RYR2: variants seen among roughly 807,000 people sequenced by gnomAD.
RYR2 encodes the protein cardiac muscle ryanodine receptor-calcium release channel.
In RYR2, 227 loss-of-function variants were observed where a neutral mutation model predicts 601.1. The observed-to-expected ratio is 0.38, with a 90% CI of 0.34 to 0.42. RYR2 has a LOEUF of 0.42. Ranked by LOEUF, RYR2 falls within the 10% of genes least tolerant of loss-of-function variation. The pLI, the probability that RYR2 is intolerant of heterozygous loss-of-function variation, is 1.00. For missense variants in RYR2, 4,646 were observed against 6,156.5 expected (o/e 0.75, Z 8.21); for synonymous variants, 2,223 against 2,175.1 (o/e 1.02, Z -0.61).
intron 65 of RYR2, among the ~76,000 whole-genome samples, chr1:237,700,976 TTC>T (rs1687919112): frequency 6.6e-6 from 1 of 152,202 alleles, no homozygotes; most frequent in South Asian, 2.1e-4. Context: ...AGCTTTAATC[TTC>T]TGTTTTGGGC....
chr1:237,681,138 T>A (rs905748484), intron 62 of RYR2, among the ~76,000 whole-genome samples: 3 of 152,204 alleles, frequency 2.0e-5, no homozygotes, highest in Non-Finnish European at 2.9e-5. Flanking sequence ...GTCCTTTTAC[T>A]CAAACTTCTG....
chr1:237,749,412 A>T (rs547798240), intron 80 of RYR2, among the ~76,000 whole-genome samples: 2 of 150,556 alleles, frequency 1.3e-5, no homozygotes, highest in East Asian at 4.0e-4. Context: ...TGACTATCAC[A>T]TAACCATCTC....
intron 17 of RYR2, among the ~76,000 whole-genome samples, chr1:237,473,427 C>CTTTCTTTCTTTCTTTCTTTCTTTCTT (rs1553464621): frequency 1.3e-4 from 13 of 102,566 alleles, no homozygotes; most frequent in South Asian, 6.1e-4. Flanking sequence ...CCATCTCTCT[C>CTTTCTTTCTTTCTTTCTTTCTTTCTT]TCTCTCTTTC....
At chr1:237,812,784 C>T (rs998949359) in intron 100 of RYR2, among the ~76,000 whole-genome samples, 1 of 152,142 alleles carries the variant, frequency 6.6e-6, no homozygotes, top group Non-Finnish European at 1.5e-5. Context: ...TCCTCCCTGA[C>T]TGCCTTTCTA....
intron 96 of RYR2, among the ~76,000 whole-genome samples, chr1:237,795,867 TATATATACAC>T (rs1319245335): frequency 1.6e-3 from 233 of 144,026 alleles, no homozygotes; most frequent in African/African-American, 5.7e-3. Flanking sequence ...TATATATATA[TATATATACAC>T]ATATATATAT....
chr1:237,628,638 C>T (rs1159800812), intron 41 of RYR2, among the ~76,000 whole-genome samples: 1 of 151,854 alleles, frequency 6.6e-6, no homozygotes, highest in Non-Finnish European at 1.5e-5. Context: ...GAAAGTTGCT[C>T]AGTAATGAAA....
chr1:237,385,189 G>A (rs1015794927), intron 8 of RYR2, among the ~76,000 whole-genome samples: 6 of 152,050 alleles, frequency 3.9e-5, no homozygotes, highest in Middle Eastern at 3.4e-3. Context: ...ATGCCCGGCC[G>A]TATTTATTTT....
rs749412599 is a variant in RYR2, at chr1:237,794,008, A to G, written c.13913+11A>G. 2 of 1,603,348 alleles carry G rather than the reference A, an allele frequency of 1.2e-6. No individual in the cohort carries two copies. Among genetic ancestry groups the G allele is most frequent in the East Asian group, 2.2e-5 (1 of 44,758 alleles). On this transcript the variant is annotated intron_variant, in intron 95 of 104. Coordinates refer to ENST00000366574, the MANE Select transcript of RYR2 (RefSeq NM_001035.3). ...CGTAATCAACACACAGTGAGTAAAT[A>G]ATTATATGAGACTTTCTGCACTCAA...
chr1:237,215,698 T>C, intron 1 of RYR2, among the ~76,000 whole-genome samples: 1 of 152,186 alleles, frequency 6.6e-6, no homozygotes, highest in Non-Finnish European at 1.5e-5. Context: ...TGTAAAATTT[T>C]GCTCCGTTTT....
At chr1:237,400,391 T>C (rs1465771568) in intron 10 of RYR2, among the ~76,000 whole-genome samples, 1 of 152,046 alleles carries the variant, frequency 6.6e-6, no homozygotes, top group African/African-American at 2.4e-5. Context: ...ACTGTGGAGA[T>C]TTTTACTTTA....
rs74444788 is a variant in RYR2 at position 237,602,370 on chromosome 1, T to C, written c.4683+259T>C. ...AAAAAAAATGCCGAGATTACACACA[T>C]TGCAGCAGTCATTGAACTGATAGGT... On this transcript the variant is annotated intron_variant, in intron 35 of 104. Coordinates refer to ENST00000366574, the MANE Select transcript of RYR2 (RefSeq NM_001035.3). 5.6e-3 allele frequency among the ~76,000 whole-genome samples: 846 copies of C among 152,244 alleles called. 10 individuals are homozygous for C. Among genetic ancestry groups the C allele is most frequent in the African/African-American group, 0.017 (695 of 41,538 alleles).
intron 52 of RYR2, among the ~76,000 whole-genome samples, chr1:237,655,092 G>T (rs1209331470): frequency 6.6e-6 from 1 of 152,148 alleles, no homozygotes; most frequent in East Asian, 1.9e-4. Context: ...AAATTTGTCT[G>T]CAATTACATT....
At chr1:237,244,740 C>CA (rs1686608860) in intron 1 of RYR2, among the ~76,000 whole-genome samples, 11 of 152,124 alleles carry the variant, frequency 7.2e-5, no homozygotes, top group Admixed American at 7.2e-4. Flanking sequence ...CTCTCCTAAA[C>CA]TCCTCCTGTA....
intron 43 of RYR2, 120 bp downstream of exon 43, chr1:237,633,830 CAG>C: frequency 9.9e-7 from 1 of 1,011,362 alleles, no homozygotes; most frequent in East Asian, 2.7e-5. Context: ...CAAAAGAAGA[CAG>C]ATAGTTGGCC....
In RYR2 at chr1:237,051,366, CCTCGGGG is replaced by C. The variant is rs1336079764; in HGVS notation, c.48+8801_48+8807del. ...CCTCTCGTCTTCTCTCCTCTTCTCT[CCTCGGGG>C]CTCATGAGTGAGTTACTTTTGAGAG... On this transcript the variant is annotated intron_variant, in intron 1 of 104. Coordinates refer to ENST00000366574, the MANE Select transcript of RYR2 (RefSeq NM_001035.3). Among the ~76,000 whole-genome samples the C allele has an allele frequency of 2.1e-5, 3 of 141,598 alleles. No homozygotes were observed. The East Asian group carries it at 6.9e-4, about 33-fold the overall frequency. The allele number at this position is 141,598 out of a possible 152,430, so 92.9% of individuals were successfully genotyped here.
rs540218584 is a variant in RYR2, at chr1:237,503,946, G to A, written c.2613+441G>A. ...TGGTCTTGAACTCCTGATCTCAGGTGATCCACCCGCTTTGGCCTCCCAAAG... is the reference window on the plus strand; with the variant it reads ...TGGTCTTGAACTCCTGATCTCAGGTAATCCACCCGCTTTGGCCTCCCAAAG... On this transcript the variant is annotated intron_variant, in intron 22 of 104. Coordinates refer to ENST00000366574, the MANE Select transcript of RYR2 (RefSeq NM_001035.3). Among the ~76,000 whole-genome samples the A allele has an allele frequency of 8.0e-4, 122 of 152,258 alleles. 1 individual carries two copies. The highest frequency in any genetic ancestry group is 2.8e-3 in the African/African-American group (118 of 41,548).
intron 16 of RYR2, among the ~76,000 whole-genome samples, chr1:237,467,482 G>A (rs1290362723): frequency 6.6e-6 from 1 of 151,974 alleles, no homozygotes; most frequent in East Asian, 1.9e-4. Flanking sequence ...TTTGTCCCCT[G>A]TACTCTGCAG....
rs140620779 is a variant in RYR2, at chr1:237,338,970, A to G, written c.273+7988A>G. Among the ~76,000 whole-genome samples, 1,357 of 152,200 alleles carry G rather than the reference A, an allele frequency of 8.9e-3. 17 individuals carry two copies. The highest frequency in any genetic ancestry group is 0.031 in the African/African-American group (1,282 of 41,506). On this transcript the variant is annotated intron_variant, in intron 3 of 104. Coordinates refer to ENST00000366574, the MANE Select transcript of RYR2 (RefSeq NM_001035.3). ...AATTTCTCAAATGGCAGGGCTAATG[A>G]CTCACTGGAAAAAAATGAGGTTTAA...
chr1:237,443,970 A>G (rs1708124608), intron 13 of RYR2, among the ~76,000 whole-genome samples: 1 of 152,182 alleles, frequency 6.6e-6, no homozygotes, highest in African/African-American at 2.4e-5. Context: ...CTGGTCAAAT[A>G]GAGTTGGATT....
Sources: gnomAD v4.1 joint callset for allele counts (sites outside exome capture counted in the v4.1 genomes callset) on GRCh38, gnomAD v4.1.1 for gene constraint, MANE v1.5 for transcripts, NCBI Gene and HGNC (gene_info 2026-07-23, HGNC 2026-07-21) for gene names.